The following KMT2C variants were observed in gnomAD, a reference collection of about 807,000 sequenced individuals.
KMT2C encodes the protein lysine methyltransferase 2C, also known as histone-lysine N-methyltransferase 2C.
A neutral mutation model predicts 507.9 loss-of-function variants in KMT2C; 88 were observed. That is an observed-to-expected ratio of 0.17 (90% confidence interval 0.15 to 0.21). The LOEUF is 0.21. Among genes scored for constraint, KMT2C ranks in the 10% least tolerant of loss-of-function variants. KMT2C has a pLI of 1.00. For synonymous variants in KMT2C, 2,049 were observed against 2,080.8 expected (o/e 0.98, Z 0.42); for missense variants, 4,954 against 5,957.8 (o/e 0.83, Z 5.55).
At chr7:152,316,019 C>T (rs1336477898) in intron 3 of KMT2C, among the ~76,000 whole-genome samples, 1 of 152,110 alleles carries the variant, frequency 6.6e-6, no homozygotes, top group East Asian at 1.9e-4. Flanking sequence ...TTTATTTAAC[C>T]ACTTGATAGA....
intron 23 of KMT2C, among the ~76,000 whole-genome samples, chr7:152,210,254 G>T (rs2094423516): frequency 6.6e-6 from 1 of 152,136 alleles, no homozygotes; most frequent in African/African-American, 2.4e-5. Flanking sequence ...AAACCAGAGG[G>T]TTCACCAAAT....
intron 2 of KMT2C, among the ~76,000 whole-genome samples, chr7:152,336,084 A>G (rs1476998055): frequency 6.6e-6 from 1 of 151,994 alleles, no homozygotes; most frequent in Non-Finnish European, 1.5e-5. Context: ...AACAGTAGGG[A>G]GCGATAGTTT....
Position 152,137,022 on chromosome 7 carries a change from CA to C in KMT2C, c.14644-99del, listed in dbSNP as rs753404197. ...TGCATTTTAAAACCAGCAAACGAAA[CA>C]GACGTAAATTAAGGAAGACCTGATT... On this transcript the variant is annotated intron_variant, in intron 58 of 58. Transcript: ENST00000262189. 60 of 904,750 alleles carry C rather than the reference CA, an allele frequency of 6.6e-5. No homozygotes were observed. The Admixed American group carries it at 7.3e-4, about 11-fold the overall frequency. 56.0% of individuals were successfully genotyped at this position (904,750 alleles called of 1,614,324 possible).
chr7:152,298,224 GA>G (rs1275369733), intron 6 of KMT2C, among the ~76,000 whole-genome samples: 2 of 151,568 alleles, frequency 1.3e-5, no homozygotes, highest in Non-Finnish European at 2.9e-5. Flanking sequence ...AAGAGGAAGA[GA>G]AAAAAAATAC....
At chr7:152,400,074 C>A (rs958313980) in intron 1 of KMT2C, among the ~76,000 whole-genome samples, 1 of 151,954 alleles carries the variant, frequency 6.6e-6, no homozygotes, top group Non-Finnish European at 1.5e-5. Context: ...TTTGGGAGGC[C>A]GAGATGGGCG....
intron 55 of KMT2C, among the ~76,000 whole-genome samples, chr7:152,142,523 A>G (rs2090683919): frequency 6.6e-6 from 1 of 152,260 alleles, no homozygotes; most frequent in African/African-American, 2.4e-5. Context: ...ACTTTTTAGA[A>G]AACTGGCAAT....
chr7:152,380,190 C>T (rs2097360753), intron 1 of KMT2C, among the ~76,000 whole-genome samples: 2 of 151,884 alleles, frequency 1.3e-5, no homozygotes, highest in Non-Finnish European at 2.9e-5. Context: ...TGAGATCACA[C>T]CACTACACTA....
chr7:152,160,685 A>C (rs922506321), intron 43 of KMT2C, among the ~76,000 whole-genome samples: 7 of 148,492 alleles, frequency 4.7e-5, no homozygotes, highest in African/African-American at 1.7e-4. Flanking sequence ...ATATATATTT[A>C]AATCACTATA....
In KMT2C at chr7:152,163,420, T is replaced by G; in HGVS notation, c.10157A>C (p.Asp3386Ala). The change falls in exon 43 of 59, where the codon GAT becomes GCT. Residue 3386 changes from aspartate (D) to alanine (A), a missense_variant. Physicochemically the swap from Asp to Ala is moderately radical, Grantham distance 126 (BLOSUM62 -2). Coordinates refer to ENST00000262189, the MANE Select transcript of KMT2C (RefSeq NM_170606.3). Reference protein sequence around the residue: ...QSGPPPRVEFDDNNPFSESFQ... With the variant: ...QSGPPPRVEFADNNPFSESFQ... ...ACTTTCACTAAAGGGATTGTTGTCA[T>G]CAAATTCTACCCGAGGTGGTGGTCC... is the stretch of plus-strand genomic sequence containing the variant. 1 of 1,614,236 alleles carries G rather than the reference T, an allele frequency of 6.2e-7. No homozygotes were observed. The highest frequency in any genetic ancestry group is 8.5e-7 in the Non-Finnish European group (1 of 1,180,036).
chr7:152,280,019 A>C (rs1436401970), intron 6 of KMT2C, among the ~76,000 whole-genome samples: 14 of 152,308 alleles, frequency 9.2e-5, no homozygotes, highest in Non-Finnish European at 7.3e-5. Flanking sequence ...GATGTGATTA[A>C]AGCCACCAAT....
At chr7:152,411,553 A>C (rs1459308056) in intron 1 of KMT2C, among the ~76,000 whole-genome samples, 3 of 152,288 alleles carry the variant, frequency 2.0e-5, no homozygotes, top group African/African-American at 7.2e-5. Context: ...AGGTGGAAGA[A>C]AAGGCACGAG....
At chr7:152,171,471 A>T (rs1373252466) in intron 39 of KMT2C, 129 bp from the exon 40 acceptor site, 2 of 580,906 alleles carry the variant, frequency 3.4e-6, no homozygotes, top group African/African-American at 3.8e-5. Flanking sequence ...CTTCTTCATC[A>T]AAACACTAAA....
chr7:152,149,157 G>A lies in KMT2C; in HGVS notation c.12775-5C>T. ...TGGCAATGAAGGAATGGATTCCTGGGCAACATAAAGAAACCATGACAAAGA... is the reference window on the plus strand; with the variant it reads ...TGGCAATGAAGGAATGGATTCCTGGACAACATAAAGAAACCATGACAAAGA... On this transcript the variant is annotated splice_region_variant and splice_polypyrimidine_tract_variant and intron_variant, in intron 51 of 58. Transcript: ENST00000262189. 2 of 1,450,782 alleles carry A rather than the reference G, an allele frequency of 1.4e-6. No individual in the cohort carries two copies. The highest frequency in any genetic ancestry group is 9.1e-7 in the Non-Finnish European group (1 of 1,103,388). The allele number at this position is 1,450,782 out of a possible 1,614,324, so 89.9% of individuals were successfully genotyped here. A position where few individuals can be genotyped will look rare whatever the true frequency, so the allele number is the denominator to read the frequency against.
At chr7:152,290,520 T>C (rs199956337) in intron 6 of KMT2C, among the ~76,000 whole-genome samples, 2 of 150,666 alleles carry the variant, frequency 1.3e-5, no homozygotes, top group Admixed American at 1.3e-4. Flanking sequence ...ATCTTGGCCA[T>C]GCTGGTCTTG....
chr7:152,203,982 CG>C (rs1457616668), intron 25 of KMT2C, among the ~76,000 whole-genome samples: 1 of 152,024 alleles, frequency 6.6e-6, no homozygotes, highest in Admixed American at 6.6e-5. Flanking sequence ...CAGAGCATTG[CG>C]AGGAATAGGG....
chr7:152,280,161 T>TATC (rs1454108464), intron 6 of KMT2C, among the ~76,000 whole-genome samples: 3 of 152,290 alleles, frequency 2.0e-5, no homozygotes, highest in Non-Finnish European at 4.4e-5. Context: ...ACACTGTTGC[T>TATC]ATCTTTGAAG....
chr7:152,207,734 G>C (rs901308953), intron 23 of KMT2C, among the ~76,000 whole-genome samples: 1 of 152,070 alleles, frequency 6.6e-6, no homozygotes, highest in African/African-American at 2.4e-5. Flanking sequence ...TCAGGTCCAG[G>C]TCTCTAGACT....
Position 152,154,227 on chromosome 7 carries a change from T to A in KMT2C, c.12139+40A>T, listed in dbSNP as rs371510175. 1.1e-5 allele frequency: 18 copies of A among 1,610,520 alleles called. No homozygotes were observed. The African/African-American group carries it at 2.4e-4, about 22-fold the overall frequency. On this transcript the variant is annotated intron_variant, in intron 47 of 58. Transcript: ENST00000262189. ...AAATATTTACATTAGTAAATTGGCG[T>A]AGTGTAAAGGGAAATAATAAGGTTA... is the stretch of plus-strand genomic sequence containing the variant.
Position 152,146,711 on chromosome 7 carries a change from G to A in KMT2C, c.13919C>T (p.Pro4640Leu). The A allele has an allele frequency of 6.2e-7, 1 of 1,613,862 alleles. No individual in the cohort carries two copies. Among genetic ancestry groups the A allele is most frequent in the Non-Finnish European group, 8.5e-7 (1 of 1,179,914 alleles). ...AGACTTTTTTCTCACACATGCCACA[G>A]GCTCCAAAATCTTATCCCAGACACC... is the stretch of plus-strand genomic sequence containing the variant. ...PKGVWDKILE[P>L]VACVRKKSEM... Residue 4640 changes from proline (P) to leucine (L), a missense_variant, in exon 53 of 59, where the codon CCT (proline) becomes CTT (leucine). Physicochemically the swap from Pro to Leu is moderately conservative, Grantham distance 98. Around this residue, in one of 29 missense-constraint regions of KMT2C, gnomAD observed 221 missense variants for 304.7 expected, o/e 0.73. Transcript: ENST00000262189.
Sources: gnomAD v4.1 joint callset for allele counts (sites outside exome capture counted in the v4.1 genomes callset) on GRCh38, gnomAD v4.1.1 for gene constraint, gnomAD v4.1.1 regional missense constraint, MANE v1.5 for transcripts, NCBI Gene and HGNC (gene_info 2026-07-23, HGNC 2026-07-21) for gene names.